The following TENM4 variants were observed in gnomAD, a reference collection of about 807,000 sequenced individuals.
TENM4 encodes teneurin transmembrane protein 4.
TENM4 carries 82 observed loss-of-function variants against 243.3 expected under a neutral mutation model. The observed-to-expected ratio is 0.34, with a 90% CI of 0.28 to 0.40. The LOEUF (loss-of-function observed/expected upper bound fraction) is 0.40. TENM4 is among the 10% of genes least tolerant of loss of function. The probability of loss-of-function intolerance (pLI) is 1.00; values close to 1 mark genes in which losing one functional copy is unlikely to be tolerated. For synonymous variants in TENM4, 1,412 were observed against 1,456.3 expected, an observed-to-expected ratio of 0.97 and a Z score of 0.69; for missense variants, 3,138 against 3,673.3, an observed-to-expected ratio of 0.85 and a Z score of 3.77.
At chr11:79,386,861 G>A (rs1858125328) in intron 1 of TENM4, among the ~76,000 whole-genome samples, 1 of 151,666 alleles carries the variant, frequency 6.6e-6, no homozygotes, top group Non-Finnish European at 1.5e-5. Flanking sequence ...TGGAAAATTG[G>A]CAGTACTTAC....
intron 33 of TENM4, among the ~76,000 whole-genome samples, chr11:78,660,368 G>C (rs1010439403): frequency 6.6e-6 from 1 of 152,084 alleles, no homozygotes; most frequent in Non-Finnish European, 1.5e-5. Context: ...CACCTACTGT[G>C]TGCTATCCTG....
chr11:78,832,913 G>A (rs1227537380), intron 12 of TENM4, among the ~76,000 whole-genome samples: 4 of 152,200 alleles, frequency 2.6e-5, no homozygotes, highest in Admixed American at 6.5e-5. Context: ...GATAATGAAT[G>A]CCTAGAAACA....
chr11:79,423,642 A>G (rs1248694797), intron 1 of TENM4, among the ~76,000 whole-genome samples: 1 of 151,262 alleles, frequency 6.6e-6, no homozygotes, highest in African/African-American at 2.4e-5. Context: ...CTCCAGAACA[A>G]GGGGCGAGTC....
At chr11:78,821,430 A>C (rs1443777650) in intron 12 of TENM4, among the ~76,000 whole-genome samples, 3 of 152,220 alleles carry the variant, frequency 2.0e-5, no homozygotes, top group African/African-American at 7.2e-5. Flanking sequence ...ATGCCACAAT[A>C]ATCAGGTTCC....
chr11:78,902,660 C>T (rs1268329767), intron 7 of TENM4, among the ~76,000 whole-genome samples: 2 of 152,228 alleles, frequency 1.3e-5, no homozygotes, highest in Admixed American at 1.3e-4. Flanking sequence ...ATGAGGATTA[C>T]ATAATGTCAC....
intron 1 of TENM4, among the ~76,000 whole-genome samples, chr11:79,415,301 C>T (rs1858789572): frequency 6.6e-6 from 1 of 152,154 alleles, no homozygotes; most frequent in African/African-American, 2.4e-5. Context: ...TGTCTATGCC[C>T]CCAAGGAAGT....
At position 79,401,220 on chromosome 11, in the gene TENM4, G is replaced by A. The variant is rs3762605; in HGVS notation, c.-321+39289C>T. Among the ~76,000 whole-genome samples, 266 of 152,266 alleles carry A rather than the reference G, an allele frequency of 1.7e-3. 8 individuals are homozygous for A. In the East Asian group the frequency reaches 0.049, roughly 28 times the overall value. On this transcript the variant is annotated intron_variant, in intron 1 of 33. Coordinates refer to ENST00000278550, the MANE Select transcript of TENM4 (RefSeq NM_001098816.3). The stretch of plus-strand genomic sequence containing the variant: ...CTCTCTTCCTTTAAAGAACAAGCAT[G>A]TATTGAGCAGTTATGTATGCAAGCC...
chr11:78,997,041 G>A (rs976345080), intron 6 of TENM4, among the ~76,000 whole-genome samples: 1 of 151,636 alleles, frequency 6.6e-6, no homozygotes, highest in South Asian at 2.1e-4. Context: ...TGTGCAAGTT[G>A]TTGGGGCGGG....
intron 6 of TENM4, among the ~76,000 whole-genome samples, chr11:78,986,999 A>G (rs1857934692): frequency 6.6e-6 from 1 of 152,240 alleles, no homozygotes; most frequent in Non-Finnish European, 1.5e-5. Flanking sequence ...GAAAAGGAAT[A>G]TATAAACACA....
At position 79,439,917 on chromosome 11, in the gene TENM4, G is replaced by C. The variant is rs111833214; in HGVS notation, c.-321+592C>G. Among the ~76,000 whole-genome samples, 942 of 152,184 alleles carry C rather than the reference G, an allele frequency of 6.2e-3. 13 individuals carry two copies. The highest frequency in any genetic ancestry group is 0.021 in the African/African-American group (890 of 41,536). On this transcript the variant is annotated intron_variant, in intron 1 of 33. Coordinates refer to ENST00000278550, the MANE Select transcript of TENM4 (RefSeq NM_001098816.3). ...CTCCTAGACGAACATCAATACCGCG[G>C]CCGGGCGCCCGGTGAGGAGAGGCGG...
chr11:79,224,107 T>C lies in TENM4; in HGVS notation c.-264-8198A>G, dbSNP rs114806327. ...GAAACCCCTCTCCTCTCACCATCTC[T>C]ATTGCCCATAGAAGATGTGGAGTGT... On this transcript the variant is annotated intron_variant, in intron 2 of 33. Transcript: ENST00000278550. Among the ~76,000 whole-genome samples, 445 of 152,310 alleles carry C rather than the reference T, an allele frequency of 2.9e-3. 1 individual carries two copies. The highest frequency in any genetic ancestry group is 0.01 in the African/African-American group (421 of 41,586).
chr11:78,844,913 T>C (rs1268830764), intron 12 of TENM4, among the ~76,000 whole-genome samples: 3 of 152,370 alleles, frequency 2.0e-5, no homozygotes, highest in East Asian at 3.9e-4. Context: ...TTCTTCTTTT[T>C]AGGGTGACTC....
chr11:79,025,411 C>T (rs1859052191), intron 6 of TENM4, among the ~76,000 whole-genome samples: 1 of 152,132 alleles, frequency 6.6e-6, no homozygotes, highest in Admixed American at 6.6e-5. Context: ...ATAGACATCC[C>T]CCTAGCTCCG....
chr11:79,245,808 C>T (rs916750524), intron 2 of TENM4, among the ~76,000 whole-genome samples: 43 of 151,808 alleles, frequency 2.8e-4, no homozygotes, highest in African/African-American at 8.9e-4. Context: ...GCCATGGTGA[C>T]GGGTACCTGT....
Position 78,697,366 on chromosome 11 carries a change from AAGG to A in TENM4, c.5087+4157_5087+4159del, listed in dbSNP as rs893999160. ...TCTCTCCTTGGATTTGACCTCAGAG[AAGG>A]AGTTCAAGGAAACGCACGAATTTAC... On this transcript the variant is annotated intron_variant, in intron 28 of 33. Transcript: ENST00000278550. Among the ~76,000 whole-genome samples, 41 of 152,214 alleles carry A rather than the reference AAGG, an allele frequency of 2.7e-4. 1 individual carries two copies. Among genetic ancestry groups the A allele is most frequent in the Admixed American group, 2.7e-3 (41 of 15,296 alleles).
At chr11:78,849,221 G>A (rs1043455756) in intron 12 of TENM4, among the ~76,000 whole-genome samples, 4 of 152,156 alleles carry the variant, frequency 2.6e-5, no homozygotes, top group Non-Finnish European at 5.9e-5. Flanking sequence ...GCATACAAAG[G>A]TATTTTTACT....
intron 4 of TENM4, 76 bp downstream of exon 4, chr11:79,148,634 A>T (rs1245531959): frequency 3.7e-6 from 1 of 268,058 alleles, no homozygotes; most frequent in East Asian, 1.8e-4. Flanking sequence ...CATATTTAAG[A>T]GGTAGAGAAA....
intron 1 of TENM4, among the ~76,000 whole-genome samples, chr11:79,337,089 A>T (rs1482192553): frequency 6.6e-6 from 1 of 152,256 alleles, no homozygotes. Context: ...CAGCAAAGCT[A>T]GCCTTTGAAA....
Position 79,129,536 on chromosome 11 carries a change from G to A in TENM4, c.-66+19174C>T, listed in dbSNP as rs532281293. On this transcript the variant is annotated intron_variant, in intron 4 of 33. Transcript: ENST00000278550. ...ACAGACTCGGTGCTGTTTGTTGGGG[G>A]GTAGGGAGAGCATGGTGGGAGTGAG... Among the ~76,000 whole-genome samples the A allele has an allele frequency of 5.2e-4, 79 of 152,270 alleles. 2 individuals carry two copies. The highest frequency in any genetic ancestry group is 5.0e-3 in the Admixed American group (77 of 15,288).
Sources: allele counts gnomAD v4.1 joint callset (sites outside exome capture counted in the v4.1 genomes callset), GRCh38; gene constraint gnomAD v4.1.1; transcripts MANE v1.5; gene names NCBI Gene and HGNC (gene_info 2026-07-23, HGNC 2026-07-21).